RNLS: variants seen among roughly 807,000 people sequenced by gnomAD.
RNLS encodes the protein renalase.
RNLS carries 39 observed loss-of-function variants against 39.8 expected under a neutral mutation model. That is an observed-to-expected ratio of 0.98 (90% CI 0.76 to 1.28). RNLS has a LOEUF of 1.28. Ranked by LOEUF, RNLS falls within the 50% of genes most tolerant of loss-of-function variation. The pLI is 0.00. For missense variants in RNLS, 410 were observed against 413.3 expected, an observed-to-expected ratio of 0.99 and a Z score of 0.07; for synonymous variants, 147 against 150.7, an observed-to-expected ratio of 0.98 and a Z score of 0.18.
chr10:88,381,353 T>G (rs778990110), intron 4 of RNLS, among the ~76,000 whole-genome samples: 9 of 152,118 alleles, frequency 5.9e-5, no homozygotes, highest in Non-Finnish European at 1.0e-4. Flanking sequence ...ACAATTATTT[T>G]AGGCTTATTC....
downstream of RNLS, among the ~76,000 whole-genome samples, chr10:88,282,478 TACACACACAC>T (rs60829171): frequency 0.14 from 20,230 of 142,886 alleles, 1,523 homozygotes; most frequent in African/African-American, 0.18. Context: ...AAAGTGAAAA[TACACACACAC>T]ACACACACAC....
chr10:88,222,509 AAAT>A, the RNLS span, among the ~76,000 whole-genome samples: 4 of 152,224 alleles, frequency 2.6e-5, no homozygotes, highest in African/African-American at 9.6e-5. Flanking sequence ...AACTGGGGAA[AAAT>A]AATAATAATA....
At chr10:88,390,241 C>T (rs1174441271) in intron 4 of RNLS, among the ~76,000 whole-genome samples, 1 of 152,200 alleles carries the variant, frequency 6.6e-6, no homozygotes, top group African/African-American at 2.4e-5. Flanking sequence ...GTGAAAGTCT[C>T]TGGGACGCTA....
chr10:88,429,274 T>C (rs1280635155), intron 4 of RNLS, among the ~76,000 whole-genome samples: 1 of 151,960 alleles, frequency 6.6e-6, no homozygotes, highest in Admixed American at 6.6e-5. Context: ...AACATCCTCT[T>C]TACAAAGCTG....
intron 4 of RNLS, among the ~76,000 whole-genome samples, chr10:88,539,607 A>C (rs1382324655): frequency 6.6e-6 from 1 of 152,080 alleles, no homozygotes; most frequent in Non-Finnish European, 1.5e-5. Flanking sequence ...TATCCATAGC[A>C]TCTCATGCAG....
chr10:88,330,102 T>C (rs533547670), intron 5 of RNLS, among the ~76,000 whole-genome samples: 1 of 147,652 alleles, frequency 6.8e-6, no homozygotes, highest in African/African-American at 2.5e-5. Context: ...AATATAAATA[T>C]ATATACACAC....
chr10:88,235,523 G>A, the RNLS span, among the ~76,000 whole-genome samples: 1 of 151,896 alleles, frequency 6.6e-6, no homozygotes, highest in Non-Finnish European at 1.5e-5. Flanking sequence ...ATGAATGAAT[G>A]GCATTTTTCT....
intron 6 of RNLS, among the ~76,000 whole-genome samples, chr10:88,287,676 A>C (rs1161840035): frequency 1.3e-5 from 2 of 152,126 alleles, no homozygotes; most frequent in Admixed American, 6.6e-5. Context: ...CGAGAAACTT[A>C]TAATCATGGC....
chr10:88,370,571 G>T (rs1243560475), intron 4 of RNLS, among the ~76,000 whole-genome samples: 1 of 152,266 alleles, frequency 6.6e-6, no homozygotes, highest in East Asian at 1.9e-4. Context: ...TCTTGATTTA[G>T]TTATTACCTT....
chr10:88,281,239 A>G (rs75273332), downstream of RNLS, among the ~76,000 whole-genome samples: 1 of 152,176 alleles, frequency 6.6e-6, no homozygotes, highest in Non-Finnish European at 1.5e-5. Context: ...TGCTGAGCAC[A>G]CTAATATGCA....
chr10:88,569,837 A>AAAAAAAT (rs1456387916), intron 4 of RNLS, among the ~76,000 whole-genome samples: 2 of 152,078 alleles, frequency 1.3e-5, no homozygotes, highest in African/African-American at 2.4e-5. Context: ...AATAAAAGCT[A>AAAAAAAT]AAAAAATAAA....
At chr10:88,188,567 C>T in the RNLS span, among the ~76,000 whole-genome samples, 4 of 152,216 alleles carry the variant, frequency 2.6e-5, no homozygotes, top group African/African-American at 9.6e-5. Flanking sequence ...AGCAGTTGAG[C>T]TGCAAGGGTG....
chr10:88,240,480 A>T, the RNLS span, among the ~76,000 whole-genome samples: 8,889 of 152,136 alleles, frequency 0.058, 480 homozygotes, highest in African/African-American at 0.14. Flanking sequence ...CTCATACAAG[A>T]AATACTTGCT....
chr10:88,360,527 T>C (rs906497799), intron 5 of RNLS, among the ~76,000 whole-genome samples: 27 of 152,300 alleles, frequency 1.8e-4, no homozygotes, highest in Non-Finnish European at 3.2e-4. Flanking sequence ...CTCTGCCTCC[T>C]GGGTTCAAGA....
chr10:88,580,782 C>G (rs1850490369), intron 3 of RNLS, among the ~76,000 whole-genome samples: 1 of 152,032 alleles, frequency 6.6e-6, no homozygotes, highest in Non-Finnish European at 1.5e-5. Flanking sequence ...CAAATTAAAA[C>G]CACGAAGAGA....
At chr10:88,540,952 T>C (rs970621407) in intron 4 of RNLS, among the ~76,000 whole-genome samples, 3 of 151,336 alleles carry the variant, frequency 2.0e-5, no homozygotes, top group African/African-American at 7.3e-5. Context: ...GAGTCACATT[T>C]TGTTATATTA....
chr10:88,412,877 A>G (rs1853770626), intron 4 of RNLS, among the ~76,000 whole-genome samples: 1 of 152,192 alleles, frequency 6.6e-6, no homozygotes, highest in East Asian at 1.9e-4. Context: ...TGCTCCCTAA[A>G]TATTTGTTGA....
chr10:88,524,996 T>TAC (rs1847025037), intron 4 of RNLS, among the ~76,000 whole-genome samples: 1 of 124,090 alleles, frequency 8.1e-6, no homozygotes, highest in Non-Finnish European at 1.7e-5. Flanking sequence ...TATATATATA[T>TAC]ATACACACAC....
chr10:88,538,658 T>C (rs1424047805), intron 4 of RNLS, among the ~76,000 whole-genome samples: 2 of 152,248 alleles, frequency 1.3e-5, no homozygotes, highest in East Asian at 3.9e-4. Flanking sequence ...AATTATGGAT[T>C]GAGGCATTTA....
Sources: gnomAD v4.1 joint callset for allele counts (sites outside exome capture counted in the v4.1 genomes callset) on GRCh38, gnomAD v4.1.1 for gene constraint, MANE v1.5 for transcripts, NCBI Gene and HGNC (gene_info 2026-07-23, HGNC 2026-07-21) for gene names.